Variants in AKAP1 observed in about 807,000 individuals in gnomAD.
AKAP1 encodes the protein A-kinase anchor protein 1, mitochondrial.
AKAP1 carries 32 observed loss-of-function variants against 79.8 expected under a neutral mutation model. That is an observed-to-expected ratio of 0.40 (90% CI 0.30 to 0.54). The LOEUF (loss-of-function observed/expected upper bound fraction) is 0.54. Ranked by LOEUF, AKAP1 falls within the 20% of genes least tolerant of loss-of-function variation. AKAP1 has a pLI of 0.47. For synonymous variants in AKAP1, 416 were observed against 466.7 expected, an observed-to-expected ratio of 0.89 and a Z score of 1.40; for missense variants, 961 against 1,138.9, an observed-to-expected ratio of 0.84 and a Z score of 2.25.
intron 8 of AKAP1, among the ~76,000 whole-genome samples, chr17:57,118,104 G>C (rs1192206629): frequency 6.6e-6 from 1 of 152,134 alleles, no homozygotes; most frequent in Non-Finnish European, 1.5e-5. Context: ...GCTGCTGCTG[G>C]TGGTATTGGT....
rs3054874 is a variant in AKAP1 at position 57,119,830 on chromosome 17, C to CTTTTTTT, written c.2638-406_2638-400dup. The stretch of plus-strand genomic sequence containing the variant: ...AAGCCATGTCCCCCACCCTGTTACT[C>CTTTTTTT]TTTTTTTTTTTTTTTTTTTTGAGAC... On this transcript the variant is annotated intron_variant, in intron 10 of 10. Coordinates refer to ENST00000337714, the MANE Select transcript of AKAP1 (RefSeq NM_003488.4). Among the ~76,000 whole-genome samples, 493 of 70,294 alleles carry CTTTTTTT rather than the reference C, an allele frequency of 7.0e-3. 106 individuals carry two copies. The highest frequency in any genetic ancestry group is 0.014 in the African/African-American group (220 of 15,290). The allele number at this position is 70,294 out of a possible 152,430, so 46.1% of individuals were successfully genotyped here.
chr17:57,106,336 CAGA>C lies in AKAP1; in HGVS notation c.873_875del (p.Asp292del), dbSNP rs1914862679. 6.2e-7 allele frequency: 1 copy of C among 1,614,064 alleles called. No individual in the cohort carries two copies. The highest frequency in any genetic ancestry group is 8.5e-7 in the Non-Finnish European group (1 of 1,180,010). On this transcript the variant is annotated inframe_deletion, in exon 2 of 11. Coordinates refer to ENST00000337714, the MANE Select transcript of AKAP1 (RefSeq NM_003488.4). ...GATGCGGCGCCAGCACCCCCAGTCG[CAGA>C]CGCCAAAGCCCAGGATAGAGGTGTC...
rs745641007 is a variant in AKAP1 at position 57,106,064 on chromosome 17, T to C, written c.600T>C (p.Gly200=). 6.2e-7 allele frequency: 1 copy of C among 1,609,646 alleles called. No individual in the cohort carries two copies. Among genetic ancestry groups the C allele is most frequent in the Non-Finnish European group, 8.5e-7 (1 of 1,177,656 alleles). Residue 200 remains glycine (G), a synonymous_variant, in exon 2 of 11, where the codon GGT becomes GGC. Coordinates refer to ENST00000337714, the MANE Select transcript of AKAP1 (RefSeq NM_003488.4). ...CTGGGGAGAGGGCAAGAGAGACAGGTGGGGCCGAAGGGACTGGTGATGCCG... is the reference window on the plus strand; with the variant it reads ...CTGGGGAGAGGGCAAGAGAGACAGGCGGGGCCGAAGGGACTGGTGATGCCG... The part of the protein sequence containing the change: ...RSSGERARET[G]GAEGTGDAVL...
At chr17:57,118,893 A>G (rs1327361386) in intron 9 of AKAP1, 89 bp from the exon 10 acceptor site, 6 of 1,426,992 alleles carry the variant, frequency 4.2e-6, no homozygotes, top group South Asian at 3.5e-5. Context: ...CCCTCGACAC[A>G]TGGGGATTAT....
chr17:57,106,508 C>A lies in AKAP1; in HGVS notation c.1044C>A (p.Ala348=), dbSNP rs1167641013. 1.9e-6 allele frequency: 3 copies of A among 1,613,648 alleles called. No homozygotes were observed. The highest frequency in any genetic ancestry group is 2.5e-6 in the Non-Finnish European group (3 of 1,179,866). The change falls in exon 2 of 11, where the codon GCC becomes GCA. Residue 348 remains alanine, a synonymous_variant. Coordinates refer to ENST00000337714, the MANE Select transcript of AKAP1 (RefSeq NM_003488.4). ...GAAATGAGGAGATTAAGCGGGCTGC[C>A]TTCCAGATAATCTCCCAAGTGATCT... ...LDRNEEIKRA[A]FQIISQVISE...
At chr17:57,110,462 G>GAA (rs141343212) in intron 3 of AKAP1, among the ~76,000 whole-genome samples, 4 of 151,726 alleles carry the variant, frequency 2.6e-5, no homozygotes, top group African/African-American at 7.3e-5. Context: ...GATCTATTTG[G>GAA]AAAAAAAACA....
At chr17:57,098,802 C>T (rs1221740181) in intron 1 of AKAP1, among the ~76,000 whole-genome samples, 4 of 144,184 alleles carry the variant, frequency 2.8e-5, no homozygotes, top group Non-Finnish European at 4.5e-5. Context: ...CACTCTGTTG[C>T]CCAGGCTGGA....
chr17:57,120,570 T>TTA lies in AKAP1; in HGVS notation c.*246_*247insTA. 1 of 220,732 alleles carries TTA rather than the reference T, an allele frequency of 4.5e-6. No homozygotes were observed. Among genetic ancestry groups the TTA allele is most frequent in the Non-Finnish European group, 8.6e-6 (1 of 116,926 alleles). 13.7% of individuals were successfully genotyped at this position (220,732 alleles called of 1,614,324 possible). On this transcript the variant is annotated 3_prime_UTR_variant, in exon 11 of 11. Coordinates refer to ENST00000337714, the MANE Select transcript of AKAP1 (RefSeq NM_003488.4). The stretch of plus-strand genomic sequence containing the variant: ...TGGCTTATGCTGGTTCTCAGCTGTT[T>TTA]AAAAAAAAAAAAAAAAAGGAATAGA...
chr17:57,111,693 CT>C, intron 3 of AKAP1, 104 bp from the exon 4 acceptor site: 1 of 1,378,508 alleles, frequency 7.3e-7, no homozygotes, highest in Non-Finnish European at 1.0e-6. Flanking sequence ...ATGGTAACAG[CT>C]AATATGTTTG....
At chr17:57,087,445 G>A (rs117695434) in intron 1 of AKAP1, among the ~76,000 whole-genome samples, 239 of 152,302 alleles carry the variant, frequency 1.6e-3, no homozygotes, top group Admixed American at 2.9e-3. Flanking sequence ...ATATTTAAAA[G>A]CAATTTATCT....
chr17:57,091,061 T>C (rs1051244088), intron 1 of AKAP1, among the ~76,000 whole-genome samples: 1 of 152,178 alleles, frequency 6.6e-6, no homozygotes, highest in African/African-American at 2.4e-5. Context: ...TGAGGTTGGG[T>C]CGATGACAGA....
intron 2 of AKAP1, chr17:57,108,064 C>T (rs1476762917): frequency 1.9e-5 from 22 of 1,175,126 alleles, no homozygotes; most frequent in Non-Finnish European, 2.4e-5. Flanking sequence ...CAGCTCCTGA[C>T]CCTGCTTCTG....
Position 57,085,391 on chromosome 17 carries a change from A to G in AKAP1, c.-32A>G, listed in dbSNP as rs980622929. Reference sequence around the variant, plus strand: ...GCATCCCGCACCCCGATGGTAGCCGAGGAGCTGGTAGGTCGGGGGCAGCTG... The same window carrying G: ...GCATCCCGCACCCCGATGGTAGCCGGGGAGCTGGTAGGTCGGGGGCAGCTG... On this transcript the variant is annotated 5_prime_UTR_variant, in exon 1 of 11. Coordinates refer to ENST00000337714, the MANE Select transcript of AKAP1 (RefSeq NM_003488.4). 6.6e-6 allele frequency: 1 copy of G among 151,852 alleles called. No individual in the cohort carries two copies. Among genetic ancestry groups the G allele is most frequent in the African/African-American group, 2.4e-5 (1 of 41,380 alleles). 9.4% of individuals were successfully genotyped at this position (151,852 alleles called of 1,614,324 possible).
At chr17:57,102,913 C>A (rs905978832) in intron 1 of AKAP1, among the ~76,000 whole-genome samples, 9 of 152,152 alleles carry the variant, frequency 5.9e-5, no homozygotes, top group African/African-American at 2.2e-4. Flanking sequence ...AACCCCGTCT[C>A]TACCAAAAAT....
At chr17:57,092,353 T>C (rs1913834966) in intron 1 of AKAP1, 1 of 152,194 alleles carries the variant, frequency 6.6e-6, no homozygotes, top group African/African-American at 2.4e-5. Flanking sequence ...CTGTTGCCTA[T>C]GGTTTATGTT....
intron 1 of AKAP1, among the ~76,000 whole-genome samples, chr17:57,100,008 C>T (rs1329072264): frequency 6.6e-6 from 1 of 152,064 alleles, no homozygotes; most frequent in Non-Finnish European, 1.5e-5. Context: ...ACAGGCAGGA[C>T]CCCTTGGGAT....
chr17:57,114,229 A>G (rs1053564667), intron 5 of AKAP1, among the ~76,000 whole-genome samples: 2 of 152,134 alleles, frequency 1.3e-5, no homozygotes, highest in Non-Finnish European at 2.9e-5. Context: ...CTGAGGTGAG[A>G]CTGCCCCTAA....
In AKAP1 at chr17:57,104,862, A is replaced by G. The variant is rs145593197; in HGVS notation, c.-24-579A>G. Among the ~76,000 whole-genome samples, 5 of 152,336 alleles carry G rather than the reference A, an allele frequency of 3.3e-5. No homozygotes were observed. In the East Asian group the frequency reaches 9.6e-4, roughly 29 times the overall value. On this transcript the variant is annotated intron_variant, in intron 1 of 10. Coordinates refer to ENST00000337714, the MANE Select transcript of AKAP1 (RefSeq NM_003488.4). The stretch of plus-strand genomic sequence containing the variant: ...AGTCTGACCTGGACCTTCATGCTGC[A>G]GTTTGCTGTGTTGGTCCCTCACCCT...
chr17:57,107,588 T>A (rs1305993444), intron 2 of AKAP1, among the ~76,000 whole-genome samples: 1 of 152,174 alleles, frequency 6.6e-6, no homozygotes. Flanking sequence ...CCTTCCGCCC[T>A]CGGCCTCCCA....
Sources: gnomAD v4.1 joint callset for allele counts (sites outside exome capture counted in the v4.1 genomes callset) on GRCh38, gnomAD v4.1.1 for gene constraint, MANE v1.5 for transcripts, NCBI Gene and HGNC (gene_info 2026-07-23, HGNC 2026-07-21) for gene names.